HK3: variants seen among roughly 807,000 people sequenced by gnomAD.
HK3 encodes the protein hexokinase-3.
HK3 carries 93 observed loss-of-function variants against 91.0 expected under a neutral mutation model. That is an observed-to-expected ratio of 1.02 (90% CI 0.86 to 1.21). The LOEUF is 1.21. Ranked by LOEUF, HK3 falls within the 50% of genes most tolerant of loss-of-function variation. The probability of loss-of-function intolerance (pLI) is 0.00; values close to 1 mark genes in which losing one functional copy is unlikely to be tolerated. For synonymous variants in HK3, 519 were observed against 516.9 expected, an observed-to-expected ratio of 1.00 and a Z score of -0.06; for missense variants, 1,235 against 1,247.4, an observed-to-expected ratio of 0.99 and a Z score of 0.15.
rs1758665760 is a variant in HK3, at chr5:176,888,530, A to G, written c.1106T>C (p.Leu369Pro). ...CCCAGGGCTCAGGCCCAAGTCCTGC[A>G]GGATAGCATGGACACGGGCTGCCCC... Reference protein sequence around the residue: ...STGAARVHAILQDLGLSPGAS... With the variant: ...STGAARVHAIPQDLGLSPGAS... The change falls in exon 10 of 19, where the codon CTG (leucine) becomes CCG (proline). Residue 369 changes from leucine to proline, a missense_variant. Physicochemically the swap from Leu to Pro is moderately conservative, Grantham distance 98 (BLOSUM62 -3). Transcript: ENST00000292432. 1 of 1,557,428 alleles carries G rather than the reference A, an allele frequency of 6.4e-7. No individual in the cohort carries two copies. Among genetic ancestry groups the G allele is most frequent in the South Asian group, 1.2e-5 (1 of 85,250 alleles).
intron 1 of HK3, among the ~76,000 whole-genome samples, chr5:176,898,242 G>A (rs967315953): frequency 3.9e-5 from 6 of 152,192 alleles, no homozygotes; most frequent in Non-Finnish European, 7.3e-5. Context: ...ACTCATGGCC[G>A]GCACAGGGTC....
chr5:176,891,650 C>G, intron 2 of HK3, 100 bp from the exon 3 acceptor site: 1 of 1,200,476 alleles, frequency 8.3e-7, no homozygotes. Flanking sequence ...CAGCCCACTC[C>G]TCGGCTCTTC....
In HK3 at chr5:176,887,341, T is replaced by C; in HGVS notation, c.1601-4A>G. The C allele has an allele frequency of 6.2e-7, 1 of 1,613,880 alleles. No homozygotes were observed. The highest frequency in any genetic ancestry group is 8.5e-7 in the Non-Finnish European group (1 of 1,180,006). On this transcript the variant is annotated splice_region_variant and splice_polypyrimidine_tract_variant and intron_variant, in intron 11 of 18. Transcript: ENST00000292432. This position sits in a 1 kb window ranked among gnomAD's most constrained non-coding sequence, Gnocchi z 4.9. ...AGGGCCAGGAAATCCCCTCGCTCTGTGGGGGCAGAGACCCTCAGTGCCGGG... is the reference window on the plus strand; with the variant it reads ...AGGGCCAGGAAATCCCCTCGCTCTGCGGGGGCAGAGACCCTCAGTGCCGGG...
rs376092049 is a variant in HK3 at position 176,884,047 on chromosome 5, G to A, written c.1945C>T (p.Arg649Cys). 85 of 1,613,920 alleles carry A rather than the reference G, an allele frequency of 5.3e-5. No individual in the cohort carries two copies. The highest frequency in any genetic ancestry group is 1.1e-4 in the South Asian group (10 of 91,084). Residue 649 changes from arginine (R) to cysteine (C), a missense_variant, in exon 14 of 19, where the codon CGC becomes TGC. Arg to Cys is a radical substitution (Grantham distance 180, BLOSUM62 -3). This residue lies in a region of HK3 where 513 missense variants were observed against 477.4 expected (regional missense o/e 1.07). Coordinates refer to ENST00000292432, the MANE Select transcript of HK3 (RefSeq NM_002115.3). This position sits in a 1 kb window ranked among gnomAD's most constrained non-coding sequence, Gnocchi z 4.1. ...VVSLLREAITRRQAVELNVVA... is the reference protein window; with the variant it reads ...VVSLLREAITCRQAVELNVVA... ...CTAGAACAGGCTCCTACCTGTCTGC[G>A]AGTGATGGCTTCCCGCAACAGACTC...
intron 6 of HK3, 40 bp from the exon 7 acceptor site, chr5:176,889,784 T>C: frequency 6.4e-7 from 1 of 1,570,528 alleles, no homozygotes. Context: ...CTGGCCTGAG[T>C]GGCCAGAGGA....
chr5:176,896,627 A>G (rs938724237), intron 1 of HK3, among the ~76,000 whole-genome samples: 1 of 152,200 alleles, frequency 6.6e-6, no homozygotes. Flanking sequence ...GACATGCTAG[A>G]GGCTTGGAAC....
chr5:176,882,562 C>T (rs1758469444), intron 15 of HK3, among the ~76,000 whole-genome samples: 2 of 152,166 alleles, frequency 1.3e-5, no homozygotes, highest in Admixed American at 6.5e-5. Flanking sequence ...AGACGAGGAG[C>T]CCCACAGTCT....
intron 15 of HK3, 126 bp from the exon 16 acceptor site, chr5:176,882,253 C>CCCTGGT: frequency 1.0e-6 from 1 of 1,000,500 alleles, no homozygotes; most frequent in South Asian, 1.5e-5. Context: ...CACAGCCTGT[C>CCCTGGT]CCTGGTCCTG....
At chr5:176,897,944 A>G (rs1401835566) in intron 1 of HK3, among the ~76,000 whole-genome samples, 2 of 152,126 alleles carry the variant, frequency 1.3e-5, no homozygotes, top group Non-Finnish European at 2.9e-5. Context: ...TCATTTTTCC[A>G]TCACCTTACC....
chr5:176,892,857 C>T (rs965279790), intron 2 of HK3, among the ~76,000 whole-genome samples: 8 of 152,326 alleles, frequency 5.3e-5, no homozygotes, highest in Admixed American at 2.0e-4. Flanking sequence ...AAACAGATCC[C>T]TAAGAAGGCG....
chr5:176,898,921 C>CTGGG (rs1758973519), intron 1 of HK3, among the ~76,000 whole-genome samples: 1 of 152,090 alleles, frequency 6.6e-6, no homozygotes, highest in Non-Finnish European at 1.5e-5. Flanking sequence ...CTGCTTGAGC[C>CTGGG]CAGGAATGTG....
At chr5:176,895,076 C>CT (rs35622796) in intron 2 of HK3, among the ~76,000 whole-genome samples, 9,001 of 113,710 alleles carry the variant, frequency 0.079, 945 homozygotes, top group African/African-American at 0.21. Context: ...TGCGCCCGGA[C>CT]TTTTTTTTTT....
intron 14 of HK3, 61 bp from the exon 15 acceptor site, chr5:176,883,930 G>A (rs1396672459): frequency 6.3e-7 from 1 of 1,584,904 alleles, no homozygotes; most frequent in African/African-American, 1.3e-5. Flanking sequence ...AACCAGCACT[G>A]GACCCAGAGG....
chr5:176,894,426 C>T (rs190785733), intron 2 of HK3, among the ~76,000 whole-genome samples: 58 of 152,296 alleles, frequency 3.8e-4, no homozygotes, highest in African/African-American at 1.4e-3. Flanking sequence ...ATGGAGCCAG[C>T]AGGGCAGATG....
At position 176,881,450 on chromosome 5, in the gene HK3, C is replaced by G. The variant is rs1359705787; in HGVS notation, c.2479G>C (p.Glu827Gln). 5 of 1,610,368 alleles carry G rather than the reference C, an allele frequency of 3.1e-6. No individual in the cohort carries two copies. The highest frequency in any genetic ancestry group is 4.2e-6 in the Non-Finnish European group (5 of 1,180,018). ...CTCTGGGACACAGCCTGGCACACCTCTAGCACCATCAGGGCGTCATCTGAG... is the reference window on the plus strand; with the variant it reads ...CTCTGGGACACAGCCTGGCACACCTGTAGCACCATCAGGGCGTCATCTGAG... ...LTSDDALMVL[E>Q]VCQAVSQRAA... Residue 827 changes from glutamate to glutamine, a missense_variant, in exon 18 of 19, where the codon GAG becomes CAG. Around this residue, in one of 3 missense-constraint regions of HK3, gnomAD observed 513 missense variants for 477.4 expected, o/e 1.07. Transcript: ENST00000292432.
Position 176,881,978 on chromosome 5 carries a change from C to T in HK3, c.2203G>A (p.Val735Met). The change falls in exon 16 of 19, where the codon GTG becomes ATG. Residue 735 changes from valine to methionine, a missense_variant. By Grantham distance (21) the Val-to-Met change is conservative. Around this residue, in one of 3 missense-constraint regions of HK3, gnomAD observed 513 missense variants for 477.4 expected, o/e 1.07. Coordinates refer to ENST00000292432, the MANE Select transcript of HK3 (RefSeq NM_002115.3). ...AMLSTRFDAS[V>M]DQASINPGKQ... ...CCGGGGTTGATGGACGCCTGGTCCA[C>T]ACTTGCATCAAAGCGGGTGCTGAGC... is the stretch of plus-strand genomic sequence containing the variant. 2 of 1,613,616 alleles carry T rather than the reference C, an allele frequency of 1.2e-6. No homozygotes were observed. The highest frequency in any genetic ancestry group is 1.7e-6 in the Non-Finnish European group (2 of 1,180,028).
At chr5:176,892,653 G>A (rs1758809627) in intron 2 of HK3, among the ~76,000 whole-genome samples, 2 of 152,128 alleles carry the variant, frequency 1.3e-5, no homozygotes, top group Non-Finnish European at 2.9e-5. Context: ...ACTTTCCAAA[G>A]CCCCCACTTC....
At chr5:176,885,250 T>C (rs1243882850) in intron 13 of HK3, among the ~76,000 whole-genome samples, 1 of 152,066 alleles carries the variant, frequency 6.6e-6, no homozygotes, top group African/African-American at 2.4e-5. Flanking sequence ...GTGTCGAGAC[T>C]CAAGAGAGGA....
rs1164157581 is a variant in HK3 at position 176,881,658 on chromosome 5, C to T, written c.2393+34G>A. 4 of 1,612,460 alleles carry T rather than the reference C, an allele frequency of 2.5e-6. No homozygotes were observed. In the Admixed American group the frequency reaches 6.7e-5, roughly 27 times the overall value. Reference sequence around the variant, plus strand: ...CCCCCACAGTGGACAGAAAGACCCCCTGAAGTGGGGGAGGCAATGTAGGCC... The same window carrying T: ...CCCCCACAGTGGACAGAAAGACCCCTTGAAGTGGGGGAGGCAATGTAGGCC... On this transcript the variant is annotated intron_variant, in intron 17 of 18. Transcript: ENST00000292432.
Sources: gnomAD v4.1 joint callset for allele counts (sites outside exome capture counted in the v4.1 genomes callset) on GRCh38, gnomAD v4.1.1 for gene constraint, gnomAD v4.1.1 regional missense constraint, Gnocchi (gnomAD v3.1) non-coding constraint, MANE v1.5 for transcripts, NCBI Gene and HGNC (gene_info 2026-07-23, HGNC 2026-07-21) for gene names.